The following OXR1 variants were observed in gnomAD, a reference collection of about 807,000 sequenced individuals.
OXR1 encodes the protein oxidation resistance 1.
A neutral mutation model predicts 104.6 loss-of-function variants in OXR1; 41 were observed. That is an observed-to-expected ratio of 0.39 (90% CI 0.31 to 0.51). OXR1 has a LOEUF of 0.51. Ranked by LOEUF, OXR1 falls within the 20% of genes least tolerant of loss-of-function variation. The pLI is 0.77. For synonymous variants in OXR1, 348 were observed against 348.4 expected, an observed-to-expected ratio of 1.00 and a Z score of 0.01; for missense variants, 955 against 1,031.9, an observed-to-expected ratio of 0.93 and a Z score of 1.02.
chr8:106,668,601 A>G (rs1826597861), intron 3 of OXR1, among the ~76,000 whole-genome samples: 1 of 152,114 alleles, frequency 6.6e-6, no homozygotes, highest in Non-Finnish European at 1.5e-5. Context: ...TGGAAGACAT[A>G]TATGGTTCAT....
intron 3 of OXR1, among the ~76,000 whole-genome samples, chr8:106,535,083 C>A (rs919811607): frequency 1.9e-4 from 29 of 152,128 alleles, no homozygotes; most frequent in Non-Finnish European, 3.1e-4. Context: ...CTGCCTCAGC[C>A]CCCCAAGTAG....
chr8:106,401,731 A>G (rs929126305), intron 2 of OXR1, among the ~76,000 whole-genome samples: 4 of 152,184 alleles, frequency 2.6e-5, no homozygotes, highest in African/African-American at 9.6e-5. Context: ...GGACCCCTAG[A>G]AATTTCACCT....
chr8:106,709,201 A>T (rs185665482), intron 9 of OXR1, among the ~76,000 whole-genome samples: 1 of 152,130 alleles, frequency 6.6e-6, no homozygotes, highest in Non-Finnish European at 1.5e-5. Flanking sequence ...TTTCTTATAG[A>T]ACAAAATCAT....
At chr8:106,606,156 G>A (rs36134646) in intron 3 of OXR1, among the ~76,000 whole-genome samples, 4,523 of 152,210 alleles carry the variant, frequency 0.03, 86 homozygotes, top group Admixed American at 0.052. Context: ...TAGAGGCCCT[G>A]TGGGAGAATC....
intron 2 of OXR1, among the ~76,000 whole-genome samples, chr8:106,416,101 T>G (rs1024033860): frequency 3.3e-5 from 5 of 152,036 alleles, no homozygotes; most frequent in African/African-American, 1.2e-4. Flanking sequence ...AAACTTGAGG[T>G]TAGAGAATGG....
intron 2 of OXR1, among the ~76,000 whole-genome samples, chr8:106,420,496 A>G (rs1818861665): frequency 6.6e-6 from 1 of 151,964 alleles, no homozygotes; most frequent in Non-Finnish European, 1.5e-5. Context: ...ACATTGCTAT[A>G]TGCAATCTCT....
At chr8:106,409,991 C>T (rs1316739172) in intron 2 of OXR1, among the ~76,000 whole-genome samples, 1 of 139,202 alleles carries the variant, frequency 7.2e-6, no homozygotes, top group Non-Finnish European at 1.5e-5. Flanking sequence ...AATTCACACA[C>T]ACACACAAAC....
intron 7 of OXR1, among the ~76,000 whole-genome samples, chr8:106,702,482 T>A (rs1256494539): frequency 6.6e-6 from 1 of 152,214 alleles, no homozygotes; most frequent in Non-Finnish European, 1.5e-5. Flanking sequence ...TATACTCTTT[T>A]CCTTTTATAA....
Position 106,569,525 on chromosome 8 carries a change from A to G in OXR1, c.220+50386A>G, listed in dbSNP as rs142012931. On this transcript the variant is annotated intron_variant, in intron 3 of 16. Transcript: ENST00000517566. ...GGCAAGAACATCCATTCTTCATGCT[A>G]TGTTACCAGCCCACGACAACTTTCC... Among the ~76,000 whole-genome samples the G allele has an allele frequency of 2.3e-3, 348 of 152,320 alleles. 3 individuals carry two copies. The highest frequency in any genetic ancestry group is 7.9e-3 in the African/African-American group (328 of 41,584).
At chr8:106,349,632 A>G (rs1815640453) in intron 1 of OXR1, among the ~76,000 whole-genome samples, 1 of 152,222 alleles carries the variant, frequency 6.6e-6, no homozygotes, top group South Asian at 2.1e-4. Context: ...ATCACATTAG[A>G]TAGAACTTTG....
In OXR1 at chr8:106,640,111, T is replaced by C. The variant is rs367693425; in HGVS notation, c.221-39099T>C. On this transcript the variant is annotated intron_variant, in intron 3 of 16. Transcript: ENST00000517566. ...GGCAAAGTTTGTCCTTGTTTCTTTC[T>C]CTTTCTTTGTTTATACTGTTAACAG... Among the ~76,000 whole-genome samples, 504 of 152,282 alleles carry C rather than the reference T, an allele frequency of 3.3e-3. 4 individuals are homozygous for C. Among genetic ancestry groups the C allele is most frequent in the African/African-American group, 0.011 (475 of 41,564 alleles).
intron 2 of OXR1, among the ~76,000 whole-genome samples, chr8:106,429,007 T>C (rs1819249890): frequency 6.6e-6 from 1 of 152,112 alleles, no homozygotes; most frequent in South Asian, 2.1e-4. Context: ...AACAGGAAAC[T>C]GAAGCTTGGA....
intron 2 of OXR1, among the ~76,000 whole-genome samples, chr8:106,416,286 A>G (rs902293910): frequency 2.0e-5 from 3 of 152,102 alleles, no homozygotes; most frequent in Non-Finnish European, 4.4e-5. Flanking sequence ...GGTGAGTAAT[A>G]AATCTGGTTT....
chr8:106,453,240 T>A (rs573384613), intron 2 of OXR1, among the ~76,000 whole-genome samples: 3 of 152,306 alleles, frequency 2.0e-5, no homozygotes, highest in Admixed American at 2.0e-4. Flanking sequence ...CCCATGGATC[T>A]CTCTCTCCCT....
intron 3 of OXR1, among the ~76,000 whole-genome samples, chr8:106,616,662 A>G (rs976656520): frequency 6.6e-6 from 1 of 152,168 alleles, no homozygotes; most frequent in African/African-American, 2.4e-5. Flanking sequence ...CATAAGCTCT[A>G]TATTACATGC....
At chr8:106,500,733 A>AT (rs139899081) in intron 2 of OXR1, among the ~76,000 whole-genome samples, 1 of 152,158 alleles carries the variant, frequency 6.6e-6, no homozygotes, top group African/African-American at 2.4e-5. Flanking sequence ...AGAAACTGTC[A>AT]TTTTTTAATT....
chr8:106,722,550 T>C (rs1832908233), intron 11 of OXR1, among the ~76,000 whole-genome samples: 1 of 152,200 alleles, frequency 6.6e-6, no homozygotes, highest in African/African-American at 2.4e-5. Context: ...AGTGATGTCA[T>C]AACATCATAG....
At chr8:106,658,410 CTGCTCTTCCTGCTT>C (rs1825388443) in intron 3 of OXR1, among the ~76,000 whole-genome samples, 1 of 152,060 alleles carries the variant, frequency 6.6e-6, no homozygotes, top group Non-Finnish European at 1.5e-5. Flanking sequence ...TCTTCCTGCT[CTGCTCTTCCTGCTT>C]TCCTCACCTA....
chr8:106,296,166 A>G lies in OXR1; in HGVS notation c.-139+25799A>G, dbSNP rs142777733. Reference sequence around the variant, plus strand: ...GCAGTTCTTCGAGTCTCATGGGCTTATAATCAACTTGCACTGTACTCCCAG... The same window carrying G: ...GCAGTTCTTCGAGTCTCATGGGCTTGTAATCAACTTGCACTGTACTCCCAG... On this transcript the variant is annotated intron_variant, in intron 1 of 16. Coordinates refer to ENST00000517566, the MANE Select transcript of OXR1 (RefSeq NM_001198533.2). Among the ~76,000 whole-genome samples the G allele has an allele frequency of 8.5e-5, 13 of 152,280 alleles. 1 individual carries two copies. In the East Asian group the frequency reaches 2.3e-3, roughly 27 times the overall value.
Sources: gnomAD v4.1 joint callset for allele counts (sites outside exome capture counted in the v4.1 genomes callset) on GRCh38, gnomAD v4.1.1 for gene constraint, MANE v1.5 for transcripts, NCBI Gene and HGNC (gene_info 2026-07-23, HGNC 2026-07-21) for gene names.